Variants in LRRC28 observed in about 807,000 individuals in gnomAD.
LRRC28 encodes the protein leucine-rich repeat-containing protein 28.
Under a neutral mutation model 45.7 loss-of-function variants are expected in LRRC28, and 39 were observed. The ratio of observed to expected loss-of-function variants is 0.85; its 90% CI spans 0.66 to 1.12. The LOEUF (loss-of-function observed/expected upper bound fraction) is 1.12, where lower values mean the gene tolerates loss of function less well. Ranked by LOEUF, LRRC28 falls within the 50% of genes most tolerant of loss-of-function variation. The probability of loss-of-function intolerance (pLI) is 0.00; values close to 1 mark genes in which losing one functional copy is unlikely to be tolerated. For missense variants in LRRC28, 435 were observed against 438.5 expected (o/e 0.99, Z 0.07); for synonymous variants, 206 against 178.8 (o/e 1.15, Z -1.22).
chr15:99,370,840 A>G (rs1481649898), intron 9 of LRRC28, among the ~76,000 whole-genome samples: 2 of 152,240 alleles, frequency 1.3e-5, no homozygotes, highest in East Asian at 1.9e-4. Context: ...ACAATTGTGT[A>G]TATATAGAAA....
intron 9 of LRRC28, among the ~76,000 whole-genome samples, chr15:99,373,889 T>C (rs1395546063): frequency 6.6e-6 from 1 of 152,228 alleles, no homozygotes; most frequent in Non-Finnish European, 1.5e-5. Flanking sequence ...CCCAAGGTCA[T>C]GAAGCCTATA....
At chr15:99,277,172 A>G (rs1267202765) in intron 3 of LRRC28, among the ~76,000 whole-genome samples, 1 of 152,068 alleles carries the variant, frequency 6.6e-6, no homozygotes, top group African/African-American at 2.4e-5. Flanking sequence ...CTCTCTCCTT[A>G]GCTACCTCTT....
chr15:99,378,703 A>T (rs1957721245), intron 9 of LRRC28, among the ~76,000 whole-genome samples: 1 of 152,184 alleles, frequency 6.6e-6, no homozygotes, highest in African/African-American at 2.4e-5. Context: ...TATTATTTTG[A>T]GATACATCCC....
At chr15:99,374,094 T>A (rs891686024) in intron 9 of LRRC28, among the ~76,000 whole-genome samples, 1 of 152,178 alleles carries the variant, frequency 6.6e-6, no homozygotes, top group Non-Finnish European at 1.5e-5. Context: ...CCTACACTTT[T>A]CCACTGATTT....
chr15:99,282,562 C>T (rs962860807), intron 3 of LRRC28, among the ~76,000 whole-genome samples: 7 of 152,154 alleles, frequency 4.6e-5, no homozygotes, highest in African/African-American at 1.7e-4. Context: ...TACACAAATA[C>T]ATCGTGTATC....
At chr15:99,258,202 G>T (rs911748690) in intron 2 of LRRC28, 1 of 1,611,578 alleles carries the variant, frequency 6.2e-7, no homozygotes, top group Admixed American at 1.7e-5. Flanking sequence ...TGATTGGCCA[G>T]TTTGGTGTCA....
rs28669958 is a variant in LRRC28, at chr15:99,306,269, C to T, written c.385+18318C>T. On this transcript the variant is annotated intron_variant, in intron 5 of 9. Coordinates refer to ENST00000301981, the MANE Select transcript of LRRC28 (RefSeq NM_144598.5). Reference sequence around the variant, plus strand: ...GCACGACTGGGCAGGTTTGGTATGCCGGCACCCTGCCAGGAAGCATGGGTT... The same window carrying T: ...GCACGACTGGGCAGGTTTGGTATGCTGGCACCCTGCCAGGAAGCATGGGTT... Among the ~76,000 whole-genome samples the T allele has an allele frequency of 8.0e-3, 1,221 of 152,220 alleles. 15 individuals are homozygous for T. The highest frequency in any genetic ancestry group is 0.027 in the African/African-American group (1,135 of 41,536).
intron 9 of LRRC28, among the ~76,000 whole-genome samples, chr15:99,379,640 C>T (rs1957755573): frequency 6.6e-6 from 1 of 152,148 alleles, no homozygotes; most frequent in Non-Finnish European, 1.5e-5. Flanking sequence ...GTTAGGGTGT[C>T]AATTTTAGAT....
chr15:99,255,409 A>T (rs1383267749), intron 1 of LRRC28, among the ~76,000 whole-genome samples: 1 of 152,088 alleles, frequency 6.6e-6, no homozygotes, highest in Non-Finnish European at 1.5e-5. Context: ...AAAAAATCAG[A>T]ATATAGGACA....
At position 99,387,941 on chromosome 15, in the gene LRRC28, C is replaced by A. The variant is rs1211107913; in HGVS notation, c.*1839C>A. 1 of 152,180 alleles carries A rather than the reference C, an allele frequency of 6.6e-6. No individual in the cohort carries two copies. The highest frequency in any genetic ancestry group is 2.1e-4 in the South Asian group (1 of 4,828). The allele number at this position is 152,180 out of a possible 1,614,324, so 9.4% of individuals were successfully genotyped here. A position where few individuals can be genotyped will look rare whatever the true frequency, so the allele number is the denominator to read the frequency against. On this transcript the variant is annotated 3_prime_UTR_variant, in exon 10 of 10. Transcript: ENST00000301981. ...TGCTGCCCGGAAAGCACACCGTCCA[C>A]GTAGAATGGAGAAGGCAGAAAGTTA... is the stretch of plus-strand genomic sequence containing the variant.
rs537081544 is a variant in LRRC28 at position 99,330,404 on chromosome 15, A to G, written c.386-3519A>G. 3.9e-5 allele frequency among the ~76,000 whole-genome samples: 6 copies of G among 152,238 alleles called. No homozygotes were observed. In the South Asian group the frequency reaches 1.2e-3, roughly 32 times the overall value. On this transcript the variant is annotated intron_variant, in intron 5 of 9. Coordinates refer to ENST00000301981, the MANE Select transcript of LRRC28 (RefSeq NM_144598.5). ...CAGTTCTGTCAGTTTTTTGCTTTAT[A>G]TAATGTTAGGCTCTCGTTACATGTC...
intron 1 of LRRC28, among the ~76,000 whole-genome samples, chr15:99,254,259 G>C (rs1020824065): frequency 2.0e-5 from 3 of 152,212 alleles, no homozygotes; most frequent in African/African-American, 4.8e-5. Context: ...ATAAATGTGG[G>C]AAAGTATTGG....
chr15:99,317,894 T>C (rs1955653480), intron 5 of LRRC28, among the ~76,000 whole-genome samples: 1 of 152,210 alleles, frequency 6.6e-6, no homozygotes, highest in Non-Finnish European at 1.5e-5. Context: ...CTTCCTATTA[T>C]TGAGGAGCAT....
intron 5 of LRRC28, among the ~76,000 whole-genome samples, chr15:99,322,336 A>G (rs924822970): frequency 6.6e-5 from 10 of 152,064 alleles, no homozygotes; most frequent in African/African-American, 1.9e-4. Context: ...GTGAGAATAG[A>G]AGCAAGAAGA....
chr15:99,342,394 C>T (rs1421919117), intron 6 of LRRC28, among the ~76,000 whole-genome samples: 5 of 152,154 alleles, frequency 3.3e-5, no homozygotes, highest in East Asian at 1.9e-4. Context: ...CAGGCAGATG[C>T]GCCTTTCAAT....
At chr15:99,334,651 T>C (rs1054233339) in intron 6 of LRRC28, among the ~76,000 whole-genome samples, 3 of 152,176 alleles carry the variant, frequency 2.0e-5, no homozygotes, top group East Asian at 1.9e-4. Flanking sequence ...TATTATCCAC[T>C]GTAGAGTTCT....
chr15:99,324,263 A>G (rs1289356749), intron 5 of LRRC28, among the ~76,000 whole-genome samples: 2 of 152,210 alleles, frequency 1.3e-5, no homozygotes, highest in African/African-American at 4.8e-5. Context: ...TCAAAATGGC[A>G]TGAAATTTAA....
chr15:99,349,400 G>A (rs1273260485), intron 6 of LRRC28, among the ~76,000 whole-genome samples: 1 of 152,014 alleles, frequency 6.6e-6, no homozygotes, highest in Non-Finnish European at 1.5e-5. Flanking sequence ...TACTTTTTAT[G>A]CCATATATAA....
intron 3 of LRRC28, among the ~76,000 whole-genome samples, chr15:99,276,996 A>G (rs62023779): frequency 0.08 from 12,247 of 152,166 alleles, 536 homozygotes; most frequent in African/African-American, 0.11. Flanking sequence ...ATGTACAGTA[A>G]AAGTCTCTTT....
Sources: allele counts gnomAD v4.1 joint callset (sites outside exome capture counted in the v4.1 genomes callset), GRCh38; gene constraint gnomAD v4.1.1; transcripts MANE v1.5; gene names NCBI Gene and HGNC (gene_info 2026-07-23, HGNC 2026-07-21).